CACNA1C: variants seen among roughly 807,000 people sequenced by gnomAD.
CACNA1C encodes voltage-dependent L-type calcium channel subunit alpha-1C.
A neutral mutation model predicts 229.0 loss-of-function variants in CACNA1C; 30 were observed. The observed-to-expected ratio is 0.13, with a 90% CI of 0.10 to 0.18. The LOEUF is 0.18. Ranked by LOEUF, CACNA1C falls within the 10% of genes least tolerant of loss-of-function variation. The probability of loss-of-function intolerance (pLI) is 1.00; values close to 1 mark genes in which losing one functional copy is unlikely to be tolerated. For synonymous variants in CACNA1C, 1,114 were observed against 1,132.5 expected (o/e 0.98, Z 0.33); for missense variants, 1,658 against 2,845.0 (o/e 0.58, Z 9.49).
chr12:2,527,379 A>T (rs2099820196), intron 9 of CACNA1C, among the ~76,000 whole-genome samples: 2 of 152,212 alleles, frequency 1.3e-5, no homozygotes, highest in South Asian at 4.1e-4. Context: ...CTTACTGATG[A>T]AGTTGAAAAG....
chr12:2,059,504 A>G (rs740456), intron 1 of CACNA1C, among the ~76,000 whole-genome samples: 30,228 of 151,518 alleles, frequency 0.2, 3,483 homozygotes, highest in African/African-American at 0.32. Context: ...ACTGGCAAGA[A>G]ACCCAAACCT....
intron 3 of CACNA1C, among the ~76,000 whole-genome samples, chr12:2,205,321 G>C (rs1393539417): frequency 6.6e-6 from 1 of 152,202 alleles, no homozygotes; most frequent in Non-Finnish European, 1.5e-5. Context: ...CTTGGCTGGT[G>C]GGGGCAGGGC....
chr12:2,166,581 T>A (rs2096244905), intron 3 of CACNA1C, among the ~76,000 whole-genome samples: 1 of 152,224 alleles, frequency 6.6e-6, no homozygotes, highest in Non-Finnish European at 1.5e-5. Flanking sequence ...ACTAATTTTA[T>A]AAATAACCTT....
intron 9 of CACNA1C, among the ~76,000 whole-genome samples, chr12:2,537,989 C>G (rs950326623): frequency 6.6e-6 from 1 of 152,092 alleles, no homozygotes; most frequent in African/African-American, 2.4e-5. Flanking sequence ...TCCACCTCCC[C>G]GCCAACCCGG....
chr12:2,000,766 G>T (rs2042002613), intron 1 of CACNA1C, among the ~76,000 whole-genome samples: 1 of 152,228 alleles, frequency 6.6e-6, no homozygotes, highest in South Asian at 2.1e-4. Context: ...GCCGGGCACA[G>T]GGGCTCACGC....
chr12:2,522,059 A>G lies in CACNA1C; in HGVS notation c.1390+9075A>G, dbSNP rs148303281. Among the ~76,000 whole-genome samples the G allele has an allele frequency of 1.2e-3, 184 of 151,938 alleles. 1 individual carries two copies. The highest frequency in any genetic ancestry group is 4.2e-3 in the African/African-American group (174 of 41,428). On this transcript the variant is annotated intron_variant, in intron 9 of 46. Transcript: ENST00000399655. ...CTGTCCTGTTTCTGCACCTTTACCCATCTCCCATCCCTCTGCCTACAGCAC... is the reference window on the plus strand; with the variant it reads ...CTGTCCTGTTTCTGCACCTTTACCCGTCTCCCATCCCTCTGCCTACAGCAC...
At chr12:2,643,457 G>A (rs1321587035) in intron 30 of CACNA1C, among the ~76,000 whole-genome samples, 1 of 152,188 alleles carries the variant, frequency 6.6e-6, no homozygotes, top group East Asian at 1.9e-4. Flanking sequence ...TTGCTCTTCT[G>A]TCTGAAAGCC....
chr12:2,000,785 C>T (rs530106111), intron 1 of CACNA1C, among the ~76,000 whole-genome samples: 2 of 152,292 alleles, frequency 1.3e-5, no homozygotes, highest in East Asian at 3.9e-4. Flanking sequence ...GCCTGTAACC[C>T]CAGCACTTTG....
chr12:2,149,754 G>C (rs186990812), intron 3 of CACNA1C, among the ~76,000 whole-genome samples: 2 of 152,314 alleles, frequency 1.3e-5, no homozygotes, highest in South Asian at 2.1e-4. Context: ...AGGAAGATCA[G>C]CTCTCACTGG....
At position 2,696,496 on chromosome 12, in the gene CACNA1C, A is replaced by G. The variant is rs1238833657; in HGVS notation, c.*5297A>G. 3 of 151,802 alleles carry G rather than the reference A, an allele frequency of 2.0e-5. No individual in the cohort carries two copies. The allele number at this position is 151,802 out of a possible 1,614,324, so 9.4% of individuals were successfully genotyped here. On this transcript the variant is annotated 3_prime_UTR_variant, in exon 47 of 47. Transcript: ENST00000399655. Reference sequence around the variant, plus strand: ...CAGGATCTAAGGAATTTGACTTTGTAGGGATCCCAGAAAGGGCACTGTGCC... The same window carrying G: ...CAGGATCTAAGGAATTTGACTTTGTGGGGATCCCAGAAAGGGCACTGTGCC...
At chr12:2,662,024 C>CTT (rs1346417543) in intron 34 of CACNA1C, among the ~76,000 whole-genome samples, 1 of 152,116 alleles carries the variant, frequency 6.6e-6, no homozygotes, top group African/African-American at 2.4e-5. Flanking sequence ...GGGTGGATCA[C>CTT]GAGGTCAGGA....
rs968235385 is a variant in CACNA1C, at chr12:2,280,162, G to A, written c.477+159732G>A. Among the ~76,000 whole-genome samples the A allele has an allele frequency of 5.4e-5, 8 of 148,900 alleles. No homozygotes were observed. The South Asian group carries it at 8.5e-4, about 16-fold the overall frequency. Reference sequence around the variant, plus strand: ...ACCTCTTGATACTTTGCTGTGCTTCGGTTTAACCTCTTGATACTTTGCTGT... The same window carrying A: ...ACCTCTTGATACTTTGCTGTGCTTCAGTTTAACCTCTTGATACTTTGCTGT... On this transcript the variant is annotated intron_variant, in intron 3 of 46. Coordinates refer to ENST00000399655, the MANE Select transcript of CACNA1C (RefSeq NM_000719.7).
intron 9 of CACNA1C, among the ~76,000 whole-genome samples, chr12:2,521,999 C>G (rs1478705421): frequency 6.6e-6 from 1 of 152,242 alleles, no homozygotes; most frequent in Non-Finnish European, 1.5e-5. Context: ...TGCCGCAAAG[C>G]CAGACTGCAT....
intron 3 of CACNA1C, among the ~76,000 whole-genome samples, chr12:2,233,397 C>T (rs1330977931): frequency 6.6e-6 from 1 of 152,206 alleles, no homozygotes; most frequent in Non-Finnish European, 1.5e-5. Context: ...ACTGGGTTTA[C>T]ATTAGTGAGT....
chr12:2,417,438 C>T (rs974606340), intron 3 of CACNA1C, among the ~76,000 whole-genome samples: 6 of 152,110 alleles, frequency 3.9e-5, no homozygotes, highest in Non-Finnish European at 7.3e-5. Context: ...TGCCTGGGGC[C>T]CTTCCCTGGC....
At chr12:2,074,584 AGTACT>A (rs1407771044) in intron 1 of CACNA1C, among the ~76,000 whole-genome samples, 1 of 152,084 alleles carries the variant, frequency 6.6e-6, no homozygotes, top group Non-Finnish European at 1.5e-5. Context: ...CCATCCAGGG[AGTACT>A]GTTATTGATA....
intron 21 of CACNA1C, among the ~76,000 whole-genome samples, chr12:2,599,304 G>C (rs905251252): frequency 6.6e-6 from 1 of 152,120 alleles, no homozygotes; most frequent in African/African-American, 2.4e-5. Context: ...CCCTCTTCCC[G>C]GCCTAAGGCC....
At chr12:2,409,355 C>T (rs1008172234) in intron 3 of CACNA1C, among the ~76,000 whole-genome samples, 1 of 152,124 alleles carries the variant, frequency 6.6e-6, no homozygotes, top group African/African-American at 2.4e-5. Context: ...ACTAGATCAT[C>T]CCTAGGGACC....
intron 19 of CACNA1C, 85 bp downstream of exon 19, chr12:2,593,430 A>G (rs1167642529): frequency 7.0e-7 from 1 of 1,425,996 alleles, no homozygotes; most frequent in African/African-American, 1.4e-5. Context: ...GAACCTCTGG[A>G]TGGAGACTGA....
Sources: allele counts gnomAD v4.1 joint callset (sites outside exome capture counted in the v4.1 genomes callset), GRCh38; gene constraint gnomAD v4.1.1; transcripts MANE v1.5; gene names NCBI Gene and HGNC (gene_info 2026-07-23, HGNC 2026-07-21).